The following CACNA2D3 variants were observed in gnomAD, a reference collection of about 807,000 sequenced individuals.
CACNA2D3 encodes voltage-dependent calcium channel subunit alpha-2/delta-3.
In CACNA2D3, 60 loss-of-function variants were observed where a neutral mutation model predicts 160.6. The observed-to-expected ratio is 0.37, with a 90% confidence interval of 0.30 to 0.46. The LOEUF (loss-of-function observed/expected upper bound fraction) is 0.46. Among genes scored for constraint, CACNA2D3 ranks in the 20% least tolerant of loss-of-function variants. The pLI, the probability that CACNA2D3 is intolerant of heterozygous loss-of-function variation, is 1.00. For synonymous variants in CACNA2D3, 558 were observed against 492.9 expected (o/e 1.13, Z -1.75); for missense variants, 1,205 against 1,365.0 (o/e 0.88, Z 1.85).
chr3:54,758,272 C>A (rs181553687), intron 12 of CACNA2D3, among the ~76,000 whole-genome samples: 43 of 152,282 alleles, frequency 2.8e-4, no homozygotes, highest in Admixed American at 2.5e-3. Flanking sequence ...TTGTTTTCTT[C>A]TTTTTCTTGT....
At chr3:54,451,019 G>A (rs1700297233) in intron 4 of CACNA2D3, among the ~76,000 whole-genome samples, 1 of 152,024 alleles carries the variant, frequency 6.6e-6, no homozygotes, top group Non-Finnish European at 1.5e-5. Flanking sequence ...TGGATACCAA[G>A]TAGGTTCGCA....
chr3:54,635,450 A>C (rs1429635009), intron 10 of CACNA2D3, among the ~76,000 whole-genome samples: 1 of 152,002 alleles, frequency 6.6e-6, no homozygotes, highest in African/African-American at 2.4e-5. Context: ...TGAGTAGTTG[A>C]GAATGGAAAA....
At chr3:54,245,312 T>C (rs541933034) in intron 2 of CACNA2D3, among the ~76,000 whole-genome samples, 1 of 151,878 alleles carries the variant, frequency 6.6e-6, no homozygotes, top group Non-Finnish European at 1.5e-5. Flanking sequence ...TGTATGGGTG[T>C]GTGTGTGTGT....
chr3:54,608,976 C>T (rs1268521394), intron 9 of CACNA2D3, among the ~76,000 whole-genome samples: 1 of 152,116 alleles, frequency 6.6e-6, no homozygotes, highest in Non-Finnish European at 1.5e-5. Context: ...AACTACAACC[C>T]AAGAACCTAT....
At chr3:54,961,368 T>A (rs1312116410) in intron 27 of CACNA2D3, among the ~76,000 whole-genome samples, 1 of 152,228 alleles carries the variant, frequency 6.6e-6, no homozygotes. Flanking sequence ...TTGGGAAAAG[T>A]CACTCTACTC....
At chr3:54,676,464 C>G (rs1048745836) in intron 11 of CACNA2D3, among the ~76,000 whole-genome samples, 1 of 152,104 alleles carries the variant, frequency 6.6e-6, no homozygotes, top group African/African-American at 2.4e-5. Context: ...TCAAACCCTC[C>G]TGTTAGACAT....
In CACNA2D3 at chr3:54,471,920, A is replaced by G. The variant is rs547771212; in HGVS notation, c.382-31572A>G. Among the ~76,000 whole-genome samples the G allele has an allele frequency of 6.6e-5, 10 of 152,326 alleles. No homozygotes were observed. The South Asian group carries it at 8.3e-4, about 13-fold the overall frequency. On this transcript the variant is annotated intron_variant, in intron 4 of 37. Transcript: ENST00000474759. ...TGAGGCAGTAATAGACTACCAACGA[A>G]AAAAAGTCCTGGACCAGATGAATTC...
chr3:54,598,384 C>A (rs1703001019), intron 9 of CACNA2D3, among the ~76,000 whole-genome samples: 1 of 140,940 alleles, frequency 7.1e-6, no homozygotes, highest in Non-Finnish European at 1.5e-5. Context: ...GCTTCAGATA[C>A]ATGTCCCAGT....
At position 55,011,448 on chromosome 3, in the gene CACNA2D3, A is replaced by G. The variant is rs563223165; in HGVS notation, c.2875+2005A>G. ...TAGGATGATCATCACCAGGGAATTTATAATCGCAAATACTGGTAACTCTTT... is the reference window on the plus strand; with the variant it reads ...TAGGATGATCATCACCAGGGAATTTGTAATCGCAAATACTGGTAACTCTTT... On this transcript the variant is annotated intron_variant, in intron 34 of 37. Transcript: ENST00000474759. Among the ~76,000 whole-genome samples the G allele has an allele frequency of 3.9e-5, 6 of 152,356 alleles. No individual in the cohort carries two copies. The South Asian group carries it at 1.2e-3, about 32-fold the overall frequency.
chr3:54,491,004 C>T (rs756595663), intron 4 of CACNA2D3, among the ~76,000 whole-genome samples: 1 of 152,156 alleles, frequency 6.6e-6, no homozygotes, highest in East Asian at 1.9e-4. Context: ...GAGACTGAGG[C>T]ACATATAAGG....
intron 4 of CACNA2D3, among the ~76,000 whole-genome samples, chr3:54,404,603 A>G (rs1333285590): frequency 6.6e-6 from 1 of 152,168 alleles, no homozygotes; most frequent in Non-Finnish European, 1.5e-5. Flanking sequence ...TGCCACTACT[A>G]TTCAACATAG....
intron 27 of CACNA2D3, among the ~76,000 whole-genome samples, chr3:54,932,356 T>C (rs905824338): frequency 6.7e-6 from 1 of 148,168 alleles, no homozygotes; most frequent in South Asian, 2.1e-4. Context: ...TAAATACGCG[T>C]TGGTTTGTCT....
chr3:54,709,564 G>A (rs772396044), intron 11 of CACNA2D3, among the ~76,000 whole-genome samples: 5 of 151,918 alleles, frequency 3.3e-5, no homozygotes, highest in Non-Finnish European at 4.4e-5. Context: ...GTCTCACTAT[G>A]TTACCTAGAC....
intron 27 of CACNA2D3, among the ~76,000 whole-genome samples, chr3:54,928,736 A>T (rs1415291979): frequency 7.2e-6 from 1 of 139,800 alleles, no homozygotes; most frequent in African/African-American, 2.7e-5. Context: ...AGTTGAATTG[A>T]CCTTTTGGTT....
At chr3:54,401,967 G>A (rs754687019) in intron 4 of CACNA2D3, among the ~76,000 whole-genome samples, 9 of 152,036 alleles carry the variant, frequency 5.9e-5, no homozygotes, top group East Asian at 1.9e-4. Context: ...ATAAAAAGAC[G>A]TAAATTCTGA....
At chr3:54,708,929 T>TTTA (rs375357402) in intron 11 of CACNA2D3, among the ~76,000 whole-genome samples, 13 of 152,284 alleles carry the variant, frequency 8.5e-5, no homozygotes, top group Middle Eastern at 3.4e-3. Context: ...AATTCTGGTA[T>TTTA]GATAAGGTGA....
At position 54,548,284 on chromosome 3, in the gene CACNA2D3, G is replaced by A. The variant is rs146078774; in HGVS notation, c.545-14516G>A. Among the ~76,000 whole-genome samples, 358 of 152,318 alleles carry A rather than the reference G, an allele frequency of 2.4e-3. 2 individuals are homozygous for A. Among genetic ancestry groups the A allele is most frequent in the Non-Finnish European group, 2.5e-3 (168 of 68,038 alleles). On this transcript the variant is annotated intron_variant, in intron 5 of 37. Coordinates refer to ENST00000474759, the MANE Select transcript of CACNA2D3 (RefSeq NM_018398.3). ...ATCTAAATAAATGTAGCCACATTAG[G>A]AGCAAGGGATTTTGAGAATTAAGAG...
intron 4 of CACNA2D3, among the ~76,000 whole-genome samples, chr3:54,481,108 C>T (rs564488523): frequency 6.6e-6 from 1 of 152,288 alleles, no homozygotes; most frequent in African/African-American, 2.4e-5. Context: ...ACTGACTGCC[C>T]TTCTGCTAGT....
chr3:54,415,723 CT>C (rs893073616), intron 4 of CACNA2D3, among the ~76,000 whole-genome samples: 1 of 152,120 alleles, frequency 6.6e-6, no homozygotes, highest in Non-Finnish European at 1.5e-5. Context: ...ACTATTATCT[CT>C]GTTTTACATA....
Sources: gnomAD v4.1 joint callset for allele counts (sites outside exome capture counted in the v4.1 genomes callset) on GRCh38, gnomAD v4.1.1 for gene constraint, MANE v1.5 for transcripts, NCBI Gene and HGNC (gene_info 2026-07-23, HGNC 2026-07-21) for gene names.